The following IQGAP1 variants were observed in gnomAD, a reference collection of about 807,000 sequenced individuals.
IQGAP1 encodes the protein IQ motif containing GTPase activating protein 1, also known as ras GTPase-activating-like protein IQGAP1.
Under a neutral mutation model 215.6 loss-of-function variants are expected in IQGAP1, and 66 were observed. The ratio of observed to expected loss-of-function variants is 0.31; its 90% CI spans 0.25 to 0.38. The LOEUF (loss-of-function observed/expected upper bound fraction) is 0.38, where lower values mean the gene tolerates loss of function less well. IQGAP1 is among the 10% of genes least tolerant of loss of function. The probability of loss-of-function intolerance (pLI) is 1.00; values close to 1 mark genes in which losing one functional copy is unlikely to be tolerated. For synonymous variants in IQGAP1, 772 were observed against 728.7 expected (o/e 1.06, Z -0.96); for missense variants, 1,712 against 1,997.1 (o/e 0.86, Z 2.72).
At chr15:90,489,004 A>G (rs1396335455) in intron 33 of IQGAP1, among the ~76,000 whole-genome samples, 2 of 152,136 alleles carry the variant, frequency 1.3e-5, no homozygotes, top group Non-Finnish European at 2.9e-5. Flanking sequence ...CAGCAGTGCT[A>G]TTAGAGCAGA....
intron 8 of IQGAP1, among the ~76,000 whole-genome samples, chr15:90,443,063 A>G (rs1471737562): frequency 2.0e-5 from 3 of 152,000 alleles, no homozygotes; most frequent in Non-Finnish European, 2.9e-5. Context: ...GGGGAAAGCA[A>G]TCTTACTGTC....
intron 31 of IQGAP1, chr15:90,486,342 G>C (rs1459225203): frequency 2.4e-5 from 9 of 378,586 alleles, no homozygotes; most frequent in Non-Finnish European, 4.3e-5. Flanking sequence ...ACTGGAGTCA[G>C]AGGAAAAGAT....
chr15:90,456,120 A>C, intron 14 of IQGAP1, 32 bp from the exon 15 acceptor site: 1 of 1,523,594 alleles, frequency 6.6e-7, no homozygotes, highest in Non-Finnish European at 9.0e-7. Context: ...CCTTAATTAG[A>C]AAAAAAAAAC....
rs1267537055 is a variant in IQGAP1 at position 90,491,526 on chromosome 15, T to C, written c.4442T>C (p.Leu1481Pro). The C allele has an allele frequency of 1.2e-6, 2 of 1,614,068 alleles. No homozygotes were observed. The highest frequency in any genetic ancestry group is 2.2e-5 in the South Asian group (2 of 91,088). Residue 1481 changes from leucine to proline, a missense_variant, in exon 34 of 38, where the codon CTG becomes CCG. Physicochemically the swap from Leu to Pro is moderately conservative, Grantham distance 98. Transcript: ENST00000268182. ...TVDPKNKYQE[L>P]INDIARDIRN... is the part of the protein sequence containing the mutation. Reference sequence around the variant, plus strand: ...GACCCAAAGAACAAATACCAGGAACTGATCAACGACATTGCCAGGGTACTG... The same window carrying C: ...GACCCAAAGAACAAATACCAGGAACCGATCAACGACATTGCCAGGGTACTG...
chr15:90,429,325 C>G (rs1462009377), intron 3 of IQGAP1, among the ~76,000 whole-genome samples: 1 of 152,112 alleles, frequency 6.6e-6, no homozygotes, highest in East Asian at 1.9e-4. Context: ...GATTACTAAG[C>G]CAGTAATTGA....
intron 2 of IQGAP1, among the ~76,000 whole-genome samples, chr15:90,410,284 C>T (rs1964940209): frequency 2.6e-5 from 4 of 152,302 alleles, no homozygotes; most frequent in South Asian, 2.1e-4. Flanking sequence ...GTGGCAATTC[C>T]TCAAGGATCT....
In IQGAP1 at chr15:90,473,766, T is replaced by A. The variant is rs754043460; in HGVS notation, c.2401T>A (p.Tyr801Asn). The A allele has an allele frequency of 6.2e-6, 10 of 1,612,594 alleles. No individual in the cohort carries two copies. Among genetic ancestry groups the A allele is most frequent in the Non-Finnish European group, 8.5e-7 (1 of 1,179,700 alleles). Reference protein sequence around the residue: ...QKKAYQDRLAYLRSHKDEVVK... With the variant: ...QKKAYQDRLANLRSHKDEVVK... ...GAAGGCATATCAAGATCGGTTAGCTTACCTGCGCTCCCACAAAGATGAAGT... is the reference window on the plus strand; with the variant it reads ...GAAGGCATATCAAGATCGGTTAGCTAACCTGCGCTCCCACAAAGATGAAGT... The change falls in exon 20 of 38, where the codon TAC (tyrosine) becomes AAC (asparagine). Residue 801 changes from tyrosine (Y) to asparagine (N), a missense_variant. Tyr to Asn is a moderately radical substitution (Grantham distance 143, BLOSUM62 -2). Transcript: ENST00000268182.
intron 30 of IQGAP1, among the ~76,000 whole-genome samples, chr15:90,485,018 G>A (rs968882137): frequency 3.9e-5 from 6 of 152,088 alleles, no homozygotes; most frequent in African/African-American, 9.6e-5. Context: ...AGCTCTCTGC[G>A]TTATTTTTCT....
intron 2 of IQGAP1, among the ~76,000 whole-genome samples, chr15:90,421,475 CAA>C (rs201106789): frequency 4.1e-4 from 39 of 95,202 alleles, no homozygotes; most frequent in Non-Finnish European, 4.5e-4. Context: ...GACTCCGTTT[CAA>C]AAAAAAAAAA....
At chr15:90,467,613 TAAG>T in intron 18 of IQGAP1, 21 bp downstream of exon 18, 1 of 1,594,318 alleles carries the variant, frequency 6.3e-7, no homozygotes, top group Non-Finnish European at 8.5e-7. Flanking sequence ...TTTCTTCACG[TAAG>T]AAGAAGCTGA....
chr15:90,394,432 A>G (rs1401444341), intron 2 of IQGAP1, among the ~76,000 whole-genome samples: 3 of 152,158 alleles, frequency 2.0e-5, no homozygotes, highest in Non-Finnish European at 4.4e-5. Context: ...ATGGTGAGAA[A>G]AGAGGACTAG....
At chr15:90,424,679 A>G (rs1676439560) in intron 2 of IQGAP1, among the ~76,000 whole-genome samples, 1 of 152,016 alleles carries the variant, frequency 6.6e-6, no homozygotes, top group Non-Finnish European at 1.5e-5. Flanking sequence ...TCTACTAAAA[A>G]TACCAAAAAA....
chr15:90,462,372 C>T (rs547734170), intron 15 of IQGAP1, among the ~76,000 whole-genome samples: 1 of 152,190 alleles, frequency 6.6e-6, no homozygotes, highest in Admixed American at 6.5e-5. Flanking sequence ...CACTCCCCAA[C>T]TCTAATTGAA....
At chr15:90,407,109 A>G (rs1488450823) in intron 2 of IQGAP1, among the ~76,000 whole-genome samples, 1 of 152,162 alleles carries the variant, frequency 6.6e-6, no homozygotes, top group Non-Finnish European at 1.5e-5. Flanking sequence ...CTGCTGATAG[A>G]TCAGAATCCT....
intron 4 of IQGAP1, among the ~76,000 whole-genome samples, chr15:90,431,042 T>C (rs981105206): frequency 6.8e-6 from 1 of 148,032 alleles, no homozygotes; most frequent in Non-Finnish European, 1.5e-5. Context: ...ATATATACAA[T>C]ATATTATATA....
intron 15 of IQGAP1, among the ~76,000 whole-genome samples, chr15:90,458,942 A>G (rs1965723437): frequency 6.6e-6 from 1 of 152,164 alleles, no homozygotes; most frequent in Non-Finnish European, 1.5e-5. Flanking sequence ...ATCAGTCAAC[A>G]TCATAATATT....
chr15:90,415,521 C>CT (rs1391805658), intron 2 of IQGAP1, among the ~76,000 whole-genome samples: 2 of 151,696 alleles, frequency 1.3e-5, no homozygotes, highest in African/African-American at 4.8e-5. Flanking sequence ...ACTATTTTTT[C>CT]TTTTTTAAAA....
chr15:90,486,900 C>T, intron 31 of IQGAP1, 54 bp from the exon 32 acceptor site: 1 of 1,545,682 alleles, frequency 6.5e-7, no homozygotes. Flanking sequence ...TTATTTCCCC[C>T]CAATATCTCC....
At chr15:90,466,178 A>G in intron 16 of IQGAP1, 87 bp downstream of exon 16, 3 of 1,574,258 alleles carry the variant, frequency 1.9e-6, no homozygotes, top group Non-Finnish European at 2.6e-6. Flanking sequence ...GGTATGGGGG[A>G]ACAATTTGCC....
Sources: allele counts gnomAD v4.1 joint callset (sites outside exome capture counted in the v4.1 genomes callset), GRCh38; gene constraint gnomAD v4.1.1; transcripts MANE v1.5; gene names NCBI Gene and HGNC (gene_info 2026-07-23, HGNC 2026-07-21).